RBMS1: variants seen among roughly 807,000 people sequenced by gnomAD.
The protein encoded by RBMS1 is RNA binding motif single stranded interacting protein 1.
A neutral mutation model predicts 62.3 loss-of-function variants in RBMS1; 17 were observed. The ratio of observed to expected loss-of-function variants is 0.27; its 90% CI spans 0.19 to 0.41. The LOEUF is 0.41. RBMS1 is among the 10% of genes least tolerant of loss of function. The probability of loss-of-function intolerance (pLI) is 1.00; values close to 1 mark genes in which losing one functional copy is unlikely to be tolerated. For synonymous variants in RBMS1, 172 were observed against 170.0 expected (o/e 1.01, Z -0.09); for missense variants, 334 against 504.5 (o/e 0.66, Z 3.24).
intron 2 of RBMS1, among the ~76,000 whole-genome samples, chr2:160,351,067 A>G (rs1458220321): frequency 6.6e-6 from 1 of 151,984 alleles, no homozygotes; most frequent in Non-Finnish European, 1.5e-5. Flanking sequence ...TCAGCAAACT[A>G]TCTCAAGGAC....
At chr2:160,343,905 G>T (rs928021151) in intron 2 of RBMS1, among the ~76,000 whole-genome samples, 1 of 152,056 alleles carries the variant, frequency 6.6e-6, no homozygotes. Context: ...ATGAAATTAG[G>T]CTAACATTTA....
chr2:160,344,343 A>C (rs1692057545), intron 2 of RBMS1, among the ~76,000 whole-genome samples: 1 of 152,178 alleles, frequency 6.6e-6, no homozygotes, highest in African/African-American at 2.4e-5. Flanking sequence ...AAGATTAAGC[A>C]CTTAACTTTC....
intron 1 of RBMS1, among the ~76,000 whole-genome samples, chr2:160,428,263 G>T (rs1231799537): frequency 2.0e-5 from 3 of 152,042 alleles, no homozygotes; most frequent in African/African-American, 7.2e-5. Flanking sequence ...ACGTGGGGTG[G>T]CCTCAGCAGA....
intron 1 of RBMS1, among the ~76,000 whole-genome samples, chr2:160,371,979 T>C (rs1348864452): frequency 6.6e-6 from 1 of 152,122 alleles, no homozygotes; most frequent in African/African-American, 2.4e-5. Flanking sequence ...TGAATACAAA[T>C]CTAAAGGTCA....
At chr2:160,397,677 T>G (rs1285474123) in intron 1 of RBMS1, among the ~76,000 whole-genome samples, 1 of 152,116 alleles carries the variant, frequency 6.6e-6, no homozygotes, top group Non-Finnish European at 1.5e-5. Flanking sequence ...GCCTCCACCC[T>G]CCTTTCCCGC....
chr2:160,462,466 C>A (rs1684506364), intron 1 of RBMS1, among the ~76,000 whole-genome samples: 1 of 152,136 alleles, frequency 6.6e-6, no homozygotes, highest in Admixed American at 6.5e-5. Flanking sequence ...TGAGTGGTAT[C>A]TGGGTGGAAG....
intron 2 of RBMS1, among the ~76,000 whole-genome samples, chr2:160,324,171 T>C (rs1235849056): frequency 1.3e-5 from 2 of 152,236 alleles, no homozygotes; most frequent in Non-Finnish European, 2.9e-5. Flanking sequence ...GTCCTGGATA[T>C]GATTATTGGT....
At chr2:160,430,516 C>G (rs1298472827) in intron 1 of RBMS1, among the ~76,000 whole-genome samples, 1 of 151,936 alleles carries the variant, frequency 6.6e-6, no homozygotes, top group Non-Finnish European at 1.5e-5. Context: ...GCTATATATC[C>G]CTATTTTTCT....
At chr2:160,330,264 G>A (rs1250818511) in intron 2 of RBMS1, among the ~76,000 whole-genome samples, 1 of 152,192 alleles carries the variant, frequency 6.6e-6, no homozygotes, top group Non-Finnish European at 1.5e-5. Flanking sequence ...GAGTGATTGA[G>A]TTGTCAACTG....
At chr2:160,293,721 G>A (rs1311163558) in intron 6 of RBMS1, among the ~76,000 whole-genome samples, 2 of 152,264 alleles carry the variant, frequency 1.3e-5, no homozygotes, top group Non-Finnish European at 2.9e-5. Context: ...GAGTCAGGGC[G>A]CCAGAGCTGT....
At chr2:160,295,020 GAAAAA>G (rs80278281) in intron 6 of RBMS1, among the ~76,000 whole-genome samples, 1 of 120,252 alleles carries the variant, frequency 8.3e-6, no homozygotes, top group African/African-American at 3.1e-5. Flanking sequence ...ATGTATACAA[GAAAAA>G]AAAAAAAAAG....
At chr2:160,299,044 T>C (rs1574237573) in intron 6 of RBMS1, among the ~76,000 whole-genome samples, 1 of 152,310 alleles carries the variant, frequency 6.6e-6, no homozygotes, top group East Asian at 1.9e-4. Context: ...TCCAGAACCC[T>C]GAGACACTAA....
intron 1 of RBMS1, among the ~76,000 whole-genome samples, chr2:160,402,573 G>A (rs1695495116): frequency 6.6e-6 from 1 of 152,154 alleles, no homozygotes; most frequent in African/African-American, 2.4e-5. Context: ...ATCTGTGAAA[G>A]CCTTTATAAA....
At chr2:160,473,054 G>A (rs1684985603) in intron 1 of RBMS1, among the ~76,000 whole-genome samples, 1 of 152,226 alleles carries the variant, frequency 6.6e-6, no homozygotes, top group Non-Finnish European at 1.5e-5. Flanking sequence ...TATAAGGTCT[G>A]TAAGTTTGGC....
chr2:160,304,834 A>G (rs1000022829), intron 4 of RBMS1, among the ~76,000 whole-genome samples: 1 of 152,192 alleles, frequency 6.6e-6, no homozygotes, highest in East Asian at 1.9e-4. Flanking sequence ...AAGTTACAAT[A>G]AGCTGATTCA....
At chr2:160,283,496 T>A (rs1447389488) in intron 9 of RBMS1, 1 of 151,494 alleles carries the variant, frequency 6.6e-6, no homozygotes, top group Non-Finnish European at 1.5e-5. Flanking sequence ...AGAAAACGAG[T>A]GACAACTCAG....
intron 6 of RBMS1, among the ~76,000 whole-genome samples, chr2:160,290,983 T>G (rs749517215): frequency 8.1e-6 from 1 of 123,762 alleles, no homozygotes; most frequent in African/African-American, 2.6e-5. Context: ...TTCTGAAACT[T>G]AACTCTACAG....
intron 6 of RBMS1, among the ~76,000 whole-genome samples, chr2:160,294,941 T>C (rs1214259569): frequency 6.6e-6 from 1 of 151,710 alleles, no homozygotes. Context: ...GGAGTAACCA[T>C]TCAGGGGATA....
chr2:160,459,746 T>C (rs555637360), intron 1 of RBMS1, among the ~76,000 whole-genome samples: 23 of 152,224 alleles, frequency 1.5e-4, no homozygotes, highest in Non-Finnish European at 1.2e-4. Context: ...TGTTTCACAA[T>C]AGGGCCTGAC....
Sources: gnomAD v4.1 joint callset for allele counts (sites outside exome capture counted in the v4.1 genomes callset) on GRCh38, gnomAD v4.1.1 for gene constraint, MANE v1.5 for transcripts, NCBI Gene and HGNC (gene_info 2026-07-23, HGNC 2026-07-21) for gene names.